Variants in FBXO43 observed in about 807,000 individuals in gnomAD.
FBXO43 encodes the protein F-box only protein 43.
A neutral mutation model predicts 56.7 loss-of-function variants in FBXO43; 22 were observed. That is an observed-to-expected ratio of 0.39 (90% CI 0.28 to 0.55). FBXO43 has a LOEUF of 0.55. FBXO43 is among the 20% of genes least tolerant of loss of function. The probability of loss-of-function intolerance (pLI) is 0.66; values close to 1 mark genes in which losing one functional copy is unlikely to be tolerated. For synonymous variants in FBXO43, 306 were observed against 294.5 expected (o/e 1.04, Z -0.40); for missense variants, 733 against 814.9 (o/e 0.90, Z 1.22).
At chr8:100,147,439 G>C (rs1386136272), upstream of FBXO43, among the ~76,000 whole-genome samples, 1 of 152,238 alleles carries the variant, frequency 6.6e-6, no homozygotes, top group Non-Finnish European at 1.5e-5. Flanking sequence ...AACAAAATGT[G>C]CAAGAGCAGT....
chr8:100,137,818 A>G (rs1460696647), intron 2 of FBXO43, 151 bp from the exon 3 acceptor site: 1 of 618,364 alleles, frequency 1.6e-6, no homozygotes, highest in African/African-American at 1.9e-5. Flanking sequence ...CTTGGTCAAC[A>G]TTGTTATTTC....
intron 2 of FBXO43, among the ~76,000 whole-genome samples, chr8:100,139,913 A>C (rs1814585308): frequency 6.6e-6 from 1 of 152,150 alleles, no homozygotes; most frequent in Non-Finnish European, 1.5e-5. Flanking sequence ...AACTTAAATA[A>C]TTAAGTGGTA....
intron 3 of FBXO43, among the ~76,000 whole-genome samples, 184 bp from the exon 4 acceptor site, chr8:100,134,548 A>G (rs1028529748): frequency 6.6e-6 from 1 of 152,182 alleles, no homozygotes; most frequent in African/African-American, 2.4e-5. Flanking sequence ...CACCTAACAT[A>G]TAAAAGTTAA....
chr8:100,137,719 T>C lies in FBXO43; in HGVS notation c.1572-52A>G. The C allele has an allele frequency of 3.7e-6, 5 of 1,337,060 alleles. 1 individual carries two copies. Among genetic ancestry groups the C allele is most frequent in the Non-Finnish European group, 3.1e-6 (3 of 954,720 alleles). The allele number at this position is 1,337,060 out of a possible 1,614,324, so 82.8% of individuals were successfully genotyped here. A position where few individuals can be genotyped will look rare whatever the true frequency, so the allele number is the denominator to read the frequency against. ...TTGCATACATTCTATAGGATTAACA[T>C]TTTGTTGTATACGCTAACTAATGAG... On this transcript the variant is annotated intron_variant, in intron 2 of 4. Transcript: ENST00000428847.
rs764558516 is a variant in FBXO43, at chr8:100,142,109, T to A, written c.145A>T (p.Asn49Tyr). ...ACAATTGGAGGAGAGTCCGCCCCAT[T>A]TCCTGCTTCAGTGCCAGCTTGACCT... ...HSGQAGTEAG[N>Y]GADSPPIVNS... Residue 49 changes from asparagine to tyrosine, a missense_variant, in exon 2 of 5, where the codon AAT (asparagine) becomes TAT (tyrosine). Transcript: ENST00000428847. 3.0e-5 allele frequency: 49 copies of A among 1,609,010 alleles called. No individual in the cohort carries two copies. Among genetic ancestry groups the A allele is most frequent in the Non-Finnish European group, 4.1e-5 (48 of 1,178,594 alleles).
chr8:100,136,085 C>T (rs1217511756), intron 3 of FBXO43, among the ~76,000 whole-genome samples: 1 of 152,112 alleles, frequency 6.6e-6, no homozygotes, highest in Admixed American at 6.6e-5. Flanking sequence ...TTTTTTAAGT[C>T]TGTCCCTAGC....
chr8:100,140,806 G>A lies in FBXO43; in HGVS notation c.1448C>T (p.Ala483Val). 1 of 1,614,170 alleles carries A rather than the reference G, an allele frequency of 6.2e-7. No individual in the cohort carries two copies. Among genetic ancestry groups the A allele is most frequent in the South Asian group, 1.1e-5 (1 of 91,074 alleles). The change falls in exon 2 of 5, where the codon GCA becomes GTA. Residue 483 changes from alanine (A) to valine (V), a missense_variant. Transcript: ENST00000428847. ...EKIAVLQCIL[A>V]GLIGKKMGIE... ...ACCCATTTTCTTGCCGATCAGTCCT[G>A]CAAGTATACACTGCAGTACAGCTAT... is the stretch of plus-strand genomic sequence containing the variant.
At chr8:100,142,197 C>G (rs1814683762) in intron 1 of FBXO43, 29 bp from the exon 2 acceptor site, 1 of 1,506,298 alleles carries the variant, frequency 6.6e-7, no homozygotes, top group African/African-American at 1.4e-5. Context: ...GTTATTCTGC[C>G]TTTGAAATGA....
At chr8:100,142,496 A>G (rs1277036197) in intron 1 of FBXO43, among the ~76,000 whole-genome samples, 2 of 152,200 alleles carry the variant, frequency 1.3e-5, no homozygotes, top group Non-Finnish European at 2.9e-5. Context: ...AGATTATTTT[A>G]TTACCTTATG....
intron 1 of FBXO43, among the ~76,000 whole-genome samples, chr8:100,143,126 T>C (rs1814708904): frequency 7.7e-6 from 1 of 130,544 alleles, no homozygotes; most frequent in Admixed American, 8.6e-5. Flanking sequence ...TTGAAATAAA[T>C]CTTAACTCAA....
chr8:100,139,806 T>C (rs1814582553), intron 2 of FBXO43, among the ~76,000 whole-genome samples: 1 of 152,250 alleles, frequency 6.6e-6, no homozygotes, highest in African/African-American at 2.4e-5. Flanking sequence ...TAACTTTCAC[T>C]GCTGTGTTAA....
At chr8:100,148,733 T>C (rs1034877138), upstream of FBXO43, among the ~76,000 whole-genome samples, 2 of 152,186 alleles carry the variant, frequency 1.3e-5, no homozygotes, top group Admixed American at 6.5e-5. Context: ...CTTTCTTGCA[T>C]TGGGTGTCAT....
chr8:100,150,548 C>T (rs904041281), upstream of FBXO43: 2 of 152,316 alleles, frequency 1.3e-5, no homozygotes, highest in African/African-American at 4.8e-5. Flanking sequence ...TTGCGCCATC[C>T]GGGTTGTCTG....
intron 1 of FBXO43, among the ~76,000 whole-genome samples, chr8:100,142,486 A>T (rs1000913049): frequency 6.6e-6 from 1 of 152,218 alleles, no homozygotes; most frequent in Non-Finnish European, 1.5e-5. Flanking sequence ...CATTATTTTT[A>T]GATTATTTTA....
chr8:100,138,156 G>A (rs926557319), intron 2 of FBXO43, among the ~76,000 whole-genome samples: 1 of 152,154 alleles, frequency 6.6e-6, no homozygotes, highest in African/African-American at 2.4e-5. Flanking sequence ...GCACCACAGA[G>A]TTCCTATTTC....
At chr8:100,136,030 G>A (rs1351388196) in intron 3 of FBXO43, among the ~76,000 whole-genome samples, 3 of 151,644 alleles carry the variant, frequency 2.0e-5, no homozygotes, top group Non-Finnish European at 4.4e-5. Context: ...AGGAGTATAT[G>A]GAGCCAAATG....
intron 2 of FBXO43, among the ~76,000 whole-genome samples, chr8:100,140,402 G>A (rs947773258): frequency 3.3e-5 from 5 of 152,098 alleles, no homozygotes; most frequent in East Asian, 3.9e-4. Context: ...CCCGGGAGGC[G>A]GAGCTTGCAG....
rs368246276 is a variant in FBXO43 at position 100,134,255 on chromosome 8, T to C, written c.1784A>G (p.Gln595Arg). The C allele has an allele frequency of 6.2e-7, 1 of 1,614,172 alleles. No individual in the cohort carries two copies. The highest frequency in any genetic ancestry group is 8.5e-7 in the Non-Finnish European group (1 of 1,180,018). Residue 595 changes from glutamine (Q) to arginine (R), a missense_variant, in exon 4 of 5, where the codon CAA becomes CGA. Gln to Arg is a conservative substitution (Grantham distance 43). Coordinates refer to ENST00000428847, the MANE Select transcript of FBXO43 (RefSeq NM_001029860.4). ...TCCCCAGGGAGATAATGTTGACCCT[T>C]GCTCTCTCTGAGAACCAGGTATCCT... is the stretch of plus-strand genomic sequence containing the variant. ...QARIPGSQRE[Q>R]GSTLSPWGEV...
upstream of FBXO43, among the ~76,000 whole-genome samples, chr8:100,146,088 T>C (rs1396678277): frequency 1.3e-5 from 2 of 152,262 alleles, no homozygotes; most frequent in Non-Finnish European, 2.9e-5. Context: ...AGAAATCATG[T>C]ATGAGAATGT....
Sources: gnomAD v4.1 joint callset for allele counts (sites outside exome capture counted in the v4.1 genomes callset) on GRCh38, gnomAD v4.1.1 for gene constraint, MANE v1.5 for transcripts, NCBI Gene and HGNC (gene_info 2026-07-23, HGNC 2026-07-21) for gene names.